The following TTC28 variants were observed in gnomAD, a reference collection of about 807,000 sequenced individuals.
The protein encoded by TTC28 is tetratricopeptide repeat protein 28.
A neutral mutation model predicts 198.0 loss-of-function variants in TTC28; 61 were observed. The observed-to-expected ratio is 0.31, with a 90% confidence interval of 0.25 to 0.38. The LOEUF (loss-of-function observed/expected upper bound fraction) is 0.38. Ranked by LOEUF, TTC28 falls within the 10% of genes least tolerant of loss-of-function variation. The pLI is 1.00. For synonymous variants in TTC28, 1,171 were observed against 1,297.8 expected, an observed-to-expected ratio of 0.90 and a Z score of 2.10; for missense variants, 2,678 against 3,164.0, an observed-to-expected ratio of 0.85 and a Z score of 3.69.
chr22:28,519,162 AAAG>A (rs1254403099), intron 2 of TTC28, among the ~76,000 whole-genome samples: 1 of 152,202 alleles, frequency 6.6e-6, no homozygotes, highest in African/African-American at 2.4e-5. Flanking sequence ...GGAAGGTAAC[AAAG>A]AAGATGACTG....
Position 28,163,323 on chromosome 22 carries a change from A to G in TTC28, c.1210T>C (p.Tyr404His). The change falls in exon 6 of 23, where the codon TAT becomes CAT. Residue 404 changes from tyrosine to histidine, a missense_variant. Tyr to His is a moderately conservative substitution (Grantham distance 83). This residue lies in a region of TTC28 where 775 missense variants were observed against 845.9 expected (regional missense o/e 0.92). Coordinates refer to ENST00000397906, the MANE Select transcript of TTC28 (RefSeq NM_001145418.2). The part of the protein sequence containing the change: ...ARAYSNLGSA[Y>H]HYRRNFDKAM... ...TTGTCAAAGTTCCTCCGGTAGTGAT[A>G]GGCACTGCCCAGGTTGCTATAAGCC... The G allele has an allele frequency of 6.4e-7, 1 of 1,552,090 alleles. No homozygotes were observed. Among genetic ancestry groups the G allele is most frequent in the Non-Finnish European group, 8.7e-7 (1 of 1,147,072 alleles).
chr22:28,554,182 G>C (rs527471109), intron 2 of TTC28, among the ~76,000 whole-genome samples: 4 of 151,870 alleles, frequency 2.6e-5, no homozygotes, highest in Non-Finnish European at 4.4e-5. Flanking sequence ...GCAGCATGCT[G>C]GTTAAGAGTC....
chr22:28,212,679 CA>C lies in TTC28; in HGVS notation c.934-49081del, dbSNP rs1431850188. ...AAATCTCCAGGACCAGATGGATTCA[CA>C]GCCTAATTCTACCAGAGGTACAAAG... is the stretch of plus-strand genomic sequence containing the variant. On this transcript the variant is annotated intron_variant, in intron 5 of 22. Transcript: ENST00000397906. Among the ~76,000 whole-genome samples, 37 of 60,062 alleles carry C rather than the reference CA, an allele frequency of 6.2e-4. 1 individual carries two copies. Among genetic ancestry groups the C allele is most frequent in the African/African-American group, 1.9e-3 (35 of 18,776 alleles). The allele number at this position is 60,062 out of a possible 152,430, so 39.4% of individuals were successfully genotyped here.
intron 2 of TTC28, among the ~76,000 whole-genome samples, chr22:28,481,607 G>A (rs562836854): frequency 2.2e-4 from 33 of 152,276 alleles, no homozygotes; most frequent in South Asian, 8.3e-4. Context: ...CAAAGTTACA[G>A]AATGAGATTA....
At chr22:28,526,765 AT>A (rs920030544) in intron 2 of TTC28, among the ~76,000 whole-genome samples, 1 of 151,038 alleles carries the variant, frequency 6.6e-6, no homozygotes, top group East Asian at 1.9e-4. Context: ...TTTTATTTTA[AT>A]TTTTTTTTGA....
intron 2 of TTC28, among the ~76,000 whole-genome samples, chr22:28,468,191 G>T (rs2048050305): frequency 6.6e-6 from 1 of 152,086 alleles, no homozygotes; most frequent in Non-Finnish European, 1.5e-5. Context: ...TGGGGGCAAT[G>T]AACACAATCC....
At chr22:28,285,778 C>A (rs1275167479) in intron 5 of TTC28, among the ~76,000 whole-genome samples, 1 of 152,156 alleles carries the variant, frequency 6.6e-6, no homozygotes, top group East Asian at 1.9e-4. Flanking sequence ...AGCAATCCCA[C>A]TTCTCAGATG....
intron 2 of TTC28, among the ~76,000 whole-genome samples, chr22:28,467,654 G>A (rs1228959854): frequency 1.3e-5 from 2 of 152,152 alleles, no homozygotes; most frequent in Non-Finnish European, 2.9e-5. Context: ...TGTAATATTA[G>A]GAATTGTACA....
chr22:28,499,392 C>A (rs956018637), intron 2 of TTC28, among the ~76,000 whole-genome samples: 1 of 152,170 alleles, frequency 6.6e-6, no homozygotes, highest in Non-Finnish European at 1.5e-5. Flanking sequence ...GTAATTTTCA[C>A]ATCCTTCATT....
intron 5 of TTC28, among the ~76,000 whole-genome samples, chr22:28,232,016 C>T (rs569319235): frequency 6.6e-6 from 1 of 152,264 alleles, no homozygotes; most frequent in East Asian, 1.9e-4. Flanking sequence ...AGAAGGATTA[C>T]CCTACAACCA....
intron 12 of TTC28, among the ~76,000 whole-genome samples, chr22:28,089,891 A>T (rs966487282): frequency 4.6e-5 from 7 of 151,594 alleles, no homozygotes; most frequent in Non-Finnish European, 1.5e-5. Context: ...GCATGTTCTC[A>T]CTCACAGGTG....
intron 17 of TTC28, chr22:27,994,701 G>A (rs998143342): frequency 4.6e-5 from 7 of 152,342 alleles, no homozygotes; most frequent in African/African-American, 1.7e-4. Flanking sequence ...CACCCCAGAA[G>A]ATAATACCAA....
chr22:28,077,440 G>A (rs1282657082), intron 12 of TTC28, among the ~76,000 whole-genome samples: 1 of 152,192 alleles, frequency 6.6e-6, no homozygotes, highest in Admixed American at 6.5e-5. Flanking sequence ...ACAGGTATGA[G>A]CCACCTCACC....
At chr22:28,534,169 A>G (rs1303833439) in intron 2 of TTC28, among the ~76,000 whole-genome samples, 1 of 152,272 alleles carries the variant, frequency 6.6e-6, no homozygotes, top group Non-Finnish European at 1.5e-5. Flanking sequence ...CATCTGACAC[A>G]GGGCTAATAT....
intron 12 of TTC28, among the ~76,000 whole-genome samples, chr22:28,037,454 G>A (rs540341440): frequency 9.1e-4 from 138 of 152,136 alleles, no homozygotes; most frequent in African/African-American, 3.1e-3. Flanking sequence ...AAGGCCTTTG[G>A]CAAAATTCAA....
chr22:28,009,903 TTTAG>T (rs1383318351), intron 14 of TTC28, among the ~76,000 whole-genome samples: 2 of 152,236 alleles, frequency 1.3e-5, no homozygotes, highest in East Asian at 1.9e-4. Context: ...AATGGATCAT[TTTAG>T]TTAGCCAAGG....
Position 28,199,518 on chromosome 22 carries a change from G to A in TTC28, c.934-35919C>T, listed in dbSNP as rs1462319439. ...GCAAGACTCTGTCTCTTCAAAAAAA[G>A]AAATACCTATACATATATATATATA... On this transcript the variant is annotated intron_variant, in intron 5 of 22. Coordinates refer to ENST00000397906, the MANE Select transcript of TTC28 (RefSeq NM_001145418.2). Among the ~76,000 whole-genome samples the A allele has an allele frequency of 3.3e-5, 3 of 92,124 alleles. No individual in the cohort carries two copies. The East Asian group carries it at 8.0e-4, about 25-fold the overall frequency. 60.4% of individuals were successfully genotyped at this position (92,124 alleles called of 152,430 possible). A position where few individuals can be genotyped will look rare whatever the true frequency, so the allele number is the denominator to read the frequency against.
At chr22:28,023,902 T>C (rs1426907276) in intron 13 of TTC28, among the ~76,000 whole-genome samples, 1 of 152,210 alleles carries the variant, frequency 6.6e-6, no homozygotes, top group Non-Finnish European at 1.5e-5. Context: ...CCCCTCATGG[T>C]TGCTGCAGGG....
chr22:28,399,313 A>C (rs1452091802), intron 2 of TTC28, among the ~76,000 whole-genome samples: 1 of 145,292 alleles, frequency 6.9e-6, no homozygotes. Flanking sequence ...TTGAGACTAA[A>C]ACTGTTTTTT....
Sources: gnomAD v4.1 joint callset for allele counts (sites outside exome capture counted in the v4.1 genomes callset) on GRCh38, gnomAD v4.1.1 for gene constraint, gnomAD v4.1.1 regional missense constraint, MANE v1.5 for transcripts, NCBI Gene and HGNC (gene_info 2026-07-23, HGNC 2026-07-21) for gene names.